The following ESRRG variants were observed in gnomAD, a reference collection of about 807,000 sequenced individuals.
ESRRG encodes the protein estrogen-related receptor gamma.
A neutral mutation model predicts 44.0 loss-of-function variants in ESRRG; 13 were observed. The observed-to-expected ratio is 0.30, with a 90% CI of 0.19 to 0.47. The LOEUF is 0.47. Among genes scored for constraint, ESRRG ranks in the 20% least tolerant of loss-of-function variants. ESRRG has a pLI of 1.00. For synonymous variants in ESRRG, 215 were observed against 214.6 expected, an observed-to-expected ratio of 1.00 and a Z score of -0.02; for missense variants, 395 against 580.6, an observed-to-expected ratio of 0.68 and a Z score of 3.29.
At chr1:216,818,927 C>T (rs1254189052) in intron 2 of ESRRG, among the ~76,000 whole-genome samples, 1 of 152,074 alleles carries the variant, frequency 6.6e-6, no homozygotes, top group African/African-American at 2.4e-5. Flanking sequence ...ATCCATGTCC[C>T]GGCAAAGGAC....
chr1:216,705,255 G>A (rs566417223), intron 1 of ESRRG, among the ~76,000 whole-genome samples: 58 of 151,840 alleles, frequency 3.8e-4, no homozygotes, highest in Non-Finnish European at 7.2e-4. Flanking sequence ...CCAAAACAAT[G>A]CTTTGTACAT....
chr1:216,824,447 A>C (rs1387577480), intron 2 of ESRRG, among the ~76,000 whole-genome samples: 1 of 151,974 alleles, frequency 6.6e-6, no homozygotes, highest in Non-Finnish European at 1.5e-5. Flanking sequence ...CTCCCTCTCA[A>C]AAAATAAAAA....
chr1:217,021,199 C>T (rs949319707), intron 1 of ESRRG, among the ~76,000 whole-genome samples: 4 of 152,250 alleles, frequency 2.6e-5, no homozygotes, highest in Admixed American at 1.3e-4. Context: ...GACAACACTC[C>T]GGACCCATTG....
intron 5 of ESRRG, among the ~76,000 whole-genome samples, chr1:216,525,810 T>G (rs955765573): frequency 3.3e-5 from 5 of 152,170 alleles, no homozygotes; most frequent in African/African-American, 1.2e-4. Context: ...GCTTTACCAA[T>G]GTACTGGTAG....
In ESRRG at chr1:216,611,001, G is replaced by A. The variant is rs560857149; in HGVS notation, c.589+39972C>T. Among the ~76,000 whole-genome samples the A allele has an allele frequency of 2.6e-5, 4 of 151,960 alleles. No individual in the cohort carries two copies. In the South Asian group the frequency reaches 6.2e-4, roughly 24 times the overall value. On this transcript the variant is annotated intron_variant, in intron 3 of 6. Transcript: ENST00000408911. ...GAGGATCACTTGAGGTCAGGAGTTC[G>A]AGACTAGCCTGACCAACATGATGAA...
chr1:216,916,004 T>C (rs942567652), intron 2 of ESRRG, among the ~76,000 whole-genome samples: 4 of 152,234 alleles, frequency 2.6e-5, no homozygotes, highest in African/African-American at 9.6e-5. Flanking sequence ...TTAAGAACTT[T>C]TAGTCATTTG....
chr1:216,995,354 C>T (rs551776809), intron 1 of ESRRG, among the ~76,000 whole-genome samples: 2 of 152,198 alleles, frequency 1.3e-5, no homozygotes, highest in Non-Finnish European at 2.9e-5. Flanking sequence ...CATGATACTA[C>T]CAGAGTGTCT....
intron 2 of ESRRG, among the ~76,000 whole-genome samples, chr1:216,858,453 A>G (rs941423753): frequency 1.1e-4 from 16 of 151,678 alleles, no homozygotes; most frequent in African/African-American, 3.9e-4. Context: ...TAATAATAAT[A>G]AAATAAAATA....
chr1:217,018,895 T>C (rs1327595790), intron 1 of ESRRG, among the ~76,000 whole-genome samples: 1 of 152,190 alleles, frequency 6.6e-6, no homozygotes, highest in African/African-American at 2.4e-5. Flanking sequence ...ATTATGCATC[T>C]ACTCCTCTTC....
intron 2 of ESRRG, among the ~76,000 whole-genome samples, chr1:216,882,947 T>C (rs546861299): frequency 1.9e-4 from 29 of 148,720 alleles, no homozygotes; most frequent in African/African-American, 6.4e-4. Context: ...AAAAAAAAAA[T>C]GCTCTCTAAA....
At chr1:216,758,897 T>A (rs1297995892) in intron 2 of ESRRG, among the ~76,000 whole-genome samples, 1 of 151,884 alleles carries the variant, frequency 6.6e-6, no homozygotes, top group Non-Finnish European at 1.5e-5. Context: ...ACTTACTATA[T>A]ATTTTTTTTC....
chr1:216,900,056 G>A (rs549596722), intron 2 of ESRRG, among the ~76,000 whole-genome samples: 14 of 152,198 alleles, frequency 9.2e-5, no homozygotes, highest in East Asian at 1.9e-4. Flanking sequence ...CAGTTTTGTC[G>A]TCTCTATATG....
chr1:217,091,253 C>A (rs983459906), upstream of ESRRG, among the ~76,000 whole-genome samples: 1 of 152,070 alleles, frequency 6.6e-6, no homozygotes, highest in South Asian at 2.1e-4. Context: ...CCTACTAATT[C>A]CAAATTCCTA....
chr1:216,862,254 T>G (rs2149106359), intron 2 of ESRRG: 2 of 151,380 alleles, frequency 1.3e-5, no homozygotes, highest in South Asian at 4.2e-4. Context: ...AGACAGAATC[T>G]TGCTCTGTTG....
intron 1 of ESRRG, among the ~76,000 whole-genome samples, chr1:217,071,458 A>G (rs965913754): frequency 6.6e-6 from 1 of 152,224 alleles, no homozygotes; most frequent in South Asian, 2.1e-4. Context: ...AAAAATATCT[A>G]TCTGATAAGA....
intron 2 of ESRRG, among the ~76,000 whole-genome samples, chr1:216,815,043 T>C (rs1048226102): frequency 6.6e-6 from 1 of 152,182 alleles, no homozygotes; most frequent in African/African-American, 2.4e-5. Context: ...GTTAAGGGCT[T>C]GACGCAGGGA....
chr1:216,673,052 G>A (rs1386337540), intron 2 of ESRRG, among the ~76,000 whole-genome samples: 1 of 152,110 alleles, frequency 6.6e-6, no homozygotes. Context: ...TGTTGTCAAG[G>A]GGAGTTACAT....
At chr1:216,607,862 A>C (rs538391823) in intron 3 of ESRRG, among the ~76,000 whole-genome samples, 23 of 152,342 alleles carry the variant, frequency 1.5e-4, no homozygotes, top group Non-Finnish European at 2.9e-5. Context: ...AAACACTGAA[A>C]GCACATGTAA....
At chr1:216,654,778 A>G (rs2070010791) in intron 2 of ESRRG, among the ~76,000 whole-genome samples, 1 of 152,174 alleles carries the variant, frequency 6.6e-6, no homozygotes, top group African/African-American at 2.4e-5. Flanking sequence ...AGAGGAAATC[A>G]TAAAGGAAAT....
Sources: allele counts gnomAD v4.1 joint callset (sites outside exome capture counted in the v4.1 genomes callset), GRCh38; gene constraint gnomAD v4.1.1; transcripts MANE v1.5; gene names NCBI Gene and HGNC (gene_info 2026-07-23, HGNC 2026-07-21).